CCDC57: variants seen among roughly 807,000 people sequenced by gnomAD.
The protein encoded by CCDC57 is coiled-coil domain-containing protein 57.
A neutral mutation model predicts 118.9 loss-of-function variants in CCDC57; 118 were observed. That is an observed-to-expected ratio of 0.99 (90% CI 0.86 to 1.16). The LOEUF is 1.16. Among genes scored for constraint, CCDC57 ranks in the 50% most tolerant of loss-of-function variants. The pLI, the probability that CCDC57 is intolerant of heterozygous loss-of-function variation, is 0.00. For missense variants in CCDC57, 1,300 were observed against 1,320.7 expected, an observed-to-expected ratio of 0.98 and a Z score of 0.24; for synonymous variants, 527 against 532.9, an observed-to-expected ratio of 0.99 and a Z score of 0.15.
intron 1 of CCDC57, among the ~76,000 whole-genome samples, chr17:82,210,574 G>A (rs1444279256): frequency 6.6e-6 from 1 of 151,794 alleles, no homozygotes; most frequent in Non-Finnish European, 1.5e-5. Context: ...CAGCTGCTCA[G>A]GAGGCTGAGG....
intron 17 of CCDC57, among the ~76,000 whole-genome samples, chr17:82,132,961 T>C (rs1471200399): frequency 6.6e-6 from 1 of 152,090 alleles, no homozygotes; most frequent in Non-Finnish European, 1.5e-5. Flanking sequence ...GGTTTCACCA[T>C]GTTGGTCAGG....
intron 8 of CCDC57, among the ~76,000 whole-genome samples, chr17:82,187,734 G>C (rs1393525046): frequency 2.0e-5 from 2 of 99,316 alleles, no homozygotes; most frequent in African/African-American, 4.0e-5. Flanking sequence ...CTCGGCGTTG[G>C]GGGAACTGGC....
intron 14 of CCDC57, among the ~76,000 whole-genome samples, chr17:82,158,543 C>G (rs1326575938): frequency 6.6e-6 from 1 of 151,860 alleles, no homozygotes; most frequent in East Asian, 1.9e-4. Context: ...AAAAAATTAG[C>G]CGGGCATGGC....
intron 19 of CCDC57, among the ~76,000 whole-genome samples, chr17:82,107,025 T>C (rs1282860856): frequency 6.6e-6 from 1 of 152,142 alleles, no homozygotes; most frequent in Non-Finnish European, 1.5e-5. Context: ...GGCTGCTCCC[T>C]GCATGTCTTG....
At chr17:82,125,075 C>T (rs550812528) in intron 19 of CCDC57, among the ~76,000 whole-genome samples, 41 of 152,264 alleles carry the variant, frequency 2.7e-4, no homozygotes, top group African/African-American at 8.9e-4. Context: ...CAGAGAGAAA[C>T]GCGCCACATT....
At chr17:82,103,263 G>A (rs1293201174) in intron 19 of CCDC57, among the ~76,000 whole-genome samples, 2 of 152,198 alleles carry the variant, frequency 1.3e-5, no homozygotes, top group Middle Eastern at 3.4e-3. Context: ...CAAGACACCC[G>A]GAACCAGTCT....
intron 19 of CCDC57, chr17:82,126,190 G>T: frequency 5.3e-6 from 1 of 187,720 alleles, no homozygotes; most frequent in Non-Finnish European, 9.9e-6. Flanking sequence ...TGAGGCAGGA[G>T]AATCATTTGA....
chr17:82,166,088 A>G lies in CCDC57; in HGVS notation c.1883-2731T>C, dbSNP rs530769166. On this transcript the variant is annotated intron_variant, in intron 13 of 19. Transcript: ENST00000665763. ...TCACTTGAGCCAAGGAGTTTTGAGAACAGCCTTGGCAATATAGTGAGACTC... is the reference window on the plus strand; with the variant it reads ...TCACTTGAGCCAAGGAGTTTTGAGAGCAGCCTTGGCAATATAGTGAGACTC... Among the ~76,000 whole-genome samples the G allele has an allele frequency of 1.3e-4, 19 of 151,794 alleles. No individual in the cohort carries two copies. In the East Asian group the frequency reaches 2.5e-3, roughly 20 times the overall value.
Position 82,171,936 on chromosome 17 carries a change from C to T in CCDC57, c.1730-83G>A, listed in dbSNP as rs567265509. ...TCCTGTGAGCACCAGCTCAGGGAGC[C>T]GATGCCAGCTCATGCCCGCCAGCTT... On this transcript the variant is annotated intron_variant, in intron 12 of 19. Coordinates refer to ENST00000665763, the Ensembl canonical transcript of CCDC57. The T allele has an allele frequency of 1.2e-5, 18 of 1,471,312 alleles. No individual in the cohort carries two copies. In the South Asian group the frequency reaches 1.2e-4, roughly 10 times the overall value. The allele number at this position is 1,471,312 out of a possible 1,614,324, so 91.1% of individuals were successfully genotyped here. A position where few individuals can be genotyped will look rare whatever the true frequency, so the allele number is the denominator to read the frequency against.
chr17:82,151,217 C>G lies in CCDC57; in HGVS notation c.2455+343G>C, dbSNP rs57500302. Among the ~76,000 whole-genome samples, 102 of 45,248 alleles carry G rather than the reference C, an allele frequency of 2.3e-3. 1 individual carries two copies. The highest frequency in any genetic ancestry group is 3.2e-3 in the Non-Finnish European group (70 of 21,544). 29.7% of individuals were successfully genotyped at this position (45,248 alleles called of 152,430 possible). ...ACCAGGCGCACATCCAGAACCTGACCCACACCCAGAACCTGGCACACACCC... is the reference window on the plus strand; with the variant it reads ...ACCAGGCGCACATCCAGAACCTGACGCACACCCAGAACCTGGCACACACCC... On this transcript the variant is annotated intron_variant, in intron 16 of 19. Coordinates refer to ENST00000665763, the Ensembl canonical transcript of CCDC57.
intron 7 of CCDC57, 104 bp from the exon 7 acceptor site, chr17:82,188,523 C>A: frequency 8.5e-7 from 1 of 1,176,298 alleles, no homozygotes; most frequent in Admixed American, 2.6e-5. Context: ...ACAGGTGCTG[C>A]TGTATGTCTG....
Position 82,188,435 on chromosome 17 carries a change from T to C in CCDC57, c.852-16A>G, listed in dbSNP as rs748948768. The C allele has an allele frequency of 6.2e-7, 1 of 1,604,600 alleles. No homozygotes were observed. Among genetic ancestry groups the C allele is most frequent in the African/African-American group, 1.3e-5 (1 of 74,808 alleles). On this transcript the variant is annotated splice_polypyrimidine_tract_variant and intron_variant, in intron 7 of 19. Coordinates refer to ENST00000665763, the Ensembl canonical transcript of CCDC57. Reference sequence around the variant, plus strand: ...CTCCTCATGCCTGAAACACAGTGAGTGTCCCATGGCGCTCACCCAGCCCCC... The same window carrying C: ...CTCCTCATGCCTGAAACACAGTGAGCGTCCCATGGCGCTCACCCAGCCCCC...
At chr17:82,200,295 C>A (rs1471488752) in intron 3 of CCDC57, among the ~76,000 whole-genome samples, 1 of 152,168 alleles carries the variant, frequency 6.6e-6, no homozygotes, top group African/African-American at 2.4e-5. Flanking sequence ...AGGACAGACA[C>A]CACAAATCGA....
chr17:82,178,943 T>C (rs1295128399), intron 10 of CCDC57, 84 bp downstream of exon 9: 3 of 1,433,198 alleles, frequency 2.1e-6, no homozygotes, highest in Middle Eastern at 1.8e-4. Context: ...TAAAGAACCA[T>C]TTGGTAAGAA....
Position 82,202,864 on chromosome 17 carries a change from G to A in CCDC57, c.-8-912C>T, listed in dbSNP as rs55833065. Among the ~76,000 whole-genome samples, 1,174 of 152,308 alleles carry A rather than the reference G, an allele frequency of 7.7e-3. 10 individuals are homozygous for A. The highest frequency in any genetic ancestry group is 0.013 in the Non-Finnish European group (867 of 68,024). On this transcript the variant is annotated intron_variant, in intron 2 of 19. Coordinates refer to ENST00000665763, the Ensembl canonical transcript of CCDC57. ...CTAGGTTCTATAAAATAGCTTCAACGCAGCACTCTGTCCATTTCACAGCTG... is the reference window on the plus strand; with the variant it reads ...CTAGGTTCTATAAAATAGCTTCAACACAGCACTCTGTCCATTTCACAGCTG...
intron 16 of CCDC57, among the ~76,000 whole-genome samples, chr17:82,146,151 C>A (rs1001854478): frequency 6.6e-6 from 1 of 152,224 alleles, no homozygotes; most frequent in Non-Finnish European, 1.5e-5. Context: ...AGAGAAGCAT[C>A]TAGAAACAGC....
rs893031481 is a variant in CCDC57, at chr17:82,151,710, AC to A, written c.2304del (p.Ser769GlnfsTer18). On this transcript the variant is annotated frameshift_variant, in exon 16 of 20. Coordinates refer to ENST00000665763, the Ensembl canonical transcript of CCDC57. LOFTEE classifies it high-confidence loss of function. The stretch of plus-strand genomic sequence containing the variant: ...AAGGTCTGGGGGGCACGTGCCACTG[AC>A]CGGAGGTGCAGGAAAAGCTCCCCCT... 1.0e-5 allele frequency: 16 copies of A among 1,550,172 alleles called. No homozygotes were observed. Among genetic ancestry groups the A allele is most frequent in the Non-Finnish European group, 1.4e-5 (16 of 1,146,968 alleles).
intron 3 of CCDC57, 126 bp downstream of exon 2, chr17:82,201,412 C>T (rs1483640627): frequency 1.6e-6 from 2 of 1,229,758 alleles, no homozygotes; most frequent in Admixed American, 2.8e-5. Context: ...GCTCCCGTGG[C>T]CTGGAATCAG....
chr17:82,124,334 G>T (rs2037131719), intron 19 of CCDC57, among the ~76,000 whole-genome samples: 1 of 152,214 alleles, frequency 6.6e-6, no homozygotes, highest in Admixed American at 6.5e-5. Context: ...AGTATCTGTG[G>T]GGAAAGGGAA....
Sources: gnomAD v4.1 joint callset for allele counts (sites outside exome capture counted in the v4.1 genomes callset) on GRCh38, gnomAD v4.1.1 for gene constraint, MANE v1.5 for transcripts, NCBI Gene and HGNC (gene_info 2026-07-23, HGNC 2026-07-21) for gene names.